MYH7B: variants seen among roughly 807,000 people sequenced by gnomAD.
MYH7B encodes the protein myosin heavy chain 7B, also known as myosin-7B.
MYH7B carries 205 observed loss-of-function variants against 234.5 expected under a neutral mutation model. The ratio of observed to expected loss-of-function variants is 0.87; its 90% CI spans 0.78 to 0.98. The LOEUF is 0.98. Among genes scored for constraint, MYH7B ranks in the 50% least tolerant of loss-of-function variants. MYH7B has a pLI of 0.00. For missense variants in MYH7B, 2,652 were observed against 2,633.4 expected (o/e 1.01, Z -0.15); for synonymous variants, 1,193 against 1,105.0 (o/e 1.08, Z -1.58).
At chr20:34,993,295 G>C in intron 25 of MYH7B, 39 bp from the exon 26 acceptor site, 2 of 1,614,052 alleles carry the variant, frequency 1.2e-6, no homozygotes, top group Non-Finnish European at 1.7e-6. Flanking sequence ...CATGCGGATG[G>C]TTGGGGGTTA....
At chr20:34,973,640 G>A (rs186469600) in intron 2 of MYH7B, among the ~76,000 whole-genome samples, 1 of 152,348 alleles carries the variant, frequency 6.6e-6, no homozygotes, top group East Asian at 1.9e-4. Flanking sequence ...CTGAGATGGT[G>A]AAAAGTCCCC....
At chr20:34,987,027 TGTG>T (rs2082039588) in intron 15 of MYH7B, 38 bp downstream of exon 15, 1 of 1,609,666 alleles carries the variant, frequency 6.2e-7, no homozygotes, top group African/African-American at 1.3e-5. Flanking sequence ...TGTGGACGCC[TGTG>T]GTGGAATCGG....
At chr20:34,957,584 G>A (rs1009974671) in intron 1 of MYH7B, among the ~76,000 whole-genome samples, 1 of 145,094 alleles carries the variant, frequency 6.9e-6, no homozygotes, top group African/African-American at 2.6e-5. Context: ...CCACTTCCCA[G>A]GTTCAAGCAA....
chr20:34,998,956 T>C (rs760539801), intron 35 of MYH7B, 41 bp downstream of exon 35: 15 of 1,596,240 alleles, frequency 9.4e-6, no homozygotes, highest in Non-Finnish European at 1.0e-5. Context: ...TGCAGAGCTT[T>C]ATGCCTGTGC....
At chr20:34,966,861 GC>G (rs2081746556) in intron 2 of MYH7B, among the ~76,000 whole-genome samples, 1 of 151,892 alleles carries the variant, frequency 6.6e-6, no homozygotes, top group African/African-American at 2.4e-5. Flanking sequence ...GGAGTTCAAG[GC>G]TGCAGTGAGC....
intron 42 of MYH7B, 23 bp from the exon 43 acceptor site, chr20:35,001,408 C>CTGAG (rs751003808): frequency 6.3e-7 from 1 of 1,594,162 alleles, no homozygotes; most frequent in Admixed American, 1.8e-5. Flanking sequence ...CAAGCAAGCC[C>CTGAG]TGAGTCCCCC....
intron 30 of MYH7B, 67 bp downstream of exon 30, chr20:34,996,825 T>C (rs2082268838): frequency 9.6e-6 from 15 of 1,558,430 alleles, no homozygotes; most frequent in Non-Finnish European, 1.3e-5. Context: ...CCCTTCTGGA[T>C]TCTTGTGGTT....
At chr20:34,980,360 C>A in intron 7 of MYH7B, 1 of 485,084 alleles carries the variant, frequency 2.1e-6, no homozygotes, top group South Asian at 2.7e-5. Flanking sequence ...ACCAGCCTGG[C>A]CAACATGGTG....
At position 34,987,685 on chromosome 20, in the gene MYH7B, C is replaced by T; in HGVS notation, c.1266+10C>T. 1.2e-6 allele frequency: 2 copies of T among 1,612,276 alleles called. No individual in the cohort carries two copies. Among genetic ancestry groups the T allele is most frequent in the Non-Finnish European group, 1.7e-6 (2 of 1,178,778 alleles). ...CCAGAGTGTGGAGCAGGTGAGCTGC[C>T]TGCAGGCCAAACCCATGGGGGACAG... On this transcript the variant is annotated intron_variant, in intron 17 of 44. Transcript: ENST00000262873.
chr20:34,977,672 G>A, exon 4 of MYH7B: 9 of 1,580,502 alleles, frequency 5.7e-6, no homozygotes, highest in Non-Finnish European at 7.7e-6. Context: ...CCCTCACCGT[G>A]GTGCCGAGGT....
intron 26 of MYH7B, 139 bp from the exon 27 acceptor site, chr20:34,994,007 A>G: frequency 2.6e-6 from 3 of 1,157,464 alleles, no homozygotes; most frequent in Non-Finnish European, 3.7e-6. Context: ...GCCTCCCCTC[A>G]CCCTCACCTA....
At chr20:34,980,810 T>C (rs2081931255) in intron 8 of MYH7B, 76 bp downstream of exon 8, 2 of 1,572,278 alleles carry the variant, frequency 1.3e-6, no homozygotes, top group Non-Finnish European at 1.7e-6. Flanking sequence ...GGGACCCCCT[T>C]CCCCCACTGG....
chr20:34,997,328 G>C, exon 32 of MYH7B: 1 of 1,547,532 alleles, frequency 6.5e-7, no homozygotes, highest in Non-Finnish European at 8.7e-7. Context: ...AGCGTGCAGA[G>C]GCGGCGCGGG....
chr20:35,001,695 G>T (rs1393962643), intron 43 of MYH7B, 169 bp downstream of exon 43: 1 of 797,498 alleles, frequency 1.3e-6, no homozygotes. Flanking sequence ...CCTTCTCATG[G>T]AACAGACCCC....
chr20:34,995,338 G>A, exon 28 of MYH7B: 4 of 1,612,256 alleles, frequency 2.5e-6, no homozygotes, highest in African/African-American at 2.7e-5. Flanking sequence ...CCCTCCAGGA[G>A]CAGGACAACC....
intron 2 of MYH7B, among the ~76,000 whole-genome samples, chr20:34,962,184 G>A (rs2081704485): frequency 6.6e-6 from 1 of 152,122 alleles, no homozygotes; most frequent in African/African-American, 2.4e-5. Flanking sequence ...CTATGGTCAC[G>A]CCACTGCACT....
Position 34,997,072 on chromosome 20 carries a change from G to T in MYH7B, c.3267-11G>T. 1 of 1,548,116 alleles carries T rather than the reference G, an allele frequency of 6.5e-7. No homozygotes were observed. Among genetic ancestry groups the T allele is most frequent in the Non-Finnish European group, 8.7e-7 (1 of 1,146,628 alleles). On this transcript the variant is annotated splice_polypyrimidine_tract_variant and intron_variant, in intron 30 of 44. Transcript: ENST00000262873. ...AAGGCCTGTGCTGGCCACCCACTCT[G>T]TGGCTCCCAGGAAGGACTCCGAGCT...
At chr20:34,987,095 G>A (rs1460852852) in intron 15 of MYH7B, 54 bp from the exon 16 acceptor site, 1 of 1,610,386 alleles carries the variant, frequency 6.2e-7, no homozygotes, top group African/African-American at 1.3e-5. Context: ...GTGCCTGGCT[G>A]GACCCTGGAG....
chr20:34,956,829 T>C (rs1600398652), intron 1 of MYH7B, among the ~76,000 whole-genome samples: 1 of 152,150 alleles, frequency 6.6e-6, no homozygotes, highest in African/African-American at 2.4e-5. Context: ...CCGAGGCAGG[T>C]GGATTACTTG....
Sources: gnomAD v4.1 joint callset for allele counts (sites outside exome capture counted in the v4.1 genomes callset) on GRCh38, gnomAD v4.1.1 for gene constraint, MANE v1.5 for transcripts, NCBI Gene and HGNC (gene_info 2026-07-23, HGNC 2026-07-21) for gene names.